The following CHRNA3 variants were observed in gnomAD, a reference collection of about 807,000 sequenced individuals.
The protein encoded by CHRNA3 is cholinergic receptor nicotinic alpha 3 subunit.
In CHRNA3, 34 loss-of-function variants were observed where a neutral mutation model predicts 41.9. The observed-to-expected ratio is 0.81, with a 90% CI of 0.62 to 1.08. CHRNA3 has a LOEUF of 1.08. CHRNA3 is among the 50% of genes least tolerant of loss of function. The pLI is 0.00. For synonymous variants in CHRNA3, 281 were observed against 265.2 expected (o/e 1.06, Z -0.58); for missense variants, 542 against 638.3 (o/e 0.85, Z 1.63).
At position 78,596,455 on chromosome 15, in the gene CHRNA3, T is replaced by C. The variant is rs2053112211; in HGVS notation, c.*149A>G. ...TACTCTTGACATTTTTTTTTTTGCATGATTCCAAGATAAGTGGAAAATAAG... is the reference window on the plus strand; with the variant it reads ...TACTCTTGACATTTTTTTTTTTGCACGATTCCAAGATAAGTGGAAAATAAG... On this transcript the variant is annotated 3_prime_UTR_variant, in exon 6 of 6. Transcript: ENST00000326828. 3 of 1,300,226 alleles carry C rather than the reference T, an allele frequency of 2.3e-6. No homozygotes were observed. Among genetic ancestry groups the C allele is most frequent in the Non-Finnish European group, 2.9e-6 (3 of 1,026,156 alleles). 80.5% of individuals were successfully genotyped at this position (1,300,226 alleles called of 1,614,324 possible).
Position 78,602,077 on chromosome 15 carries a change from G to C in CHRNA3, c.565C>G (p.Leu189Val). Residue 189 changes from leucine to valine, a missense_variant, in exon 5 of 6, where the codon CTG (leucine) becomes GTG (valine). Transcript: ENST00000326828. ...TTCATGGAAGAGCCGATCAGGACCAGATCGATTTTCGCCTTATCGTAGGAC... is the reference window on the plus strand; with the variant it reads ...TTCATGGAAGAGCCGATCAGGACCACATCGATTTTCGCCTTATCGTAGGAC... ...SWSYDKAKID[L>V]VLIGSSMNLK... 1 of 1,614,190 alleles carries C rather than the reference G, an allele frequency of 6.2e-7. No individual in the cohort carries two copies. Among genetic ancestry groups the C allele is most frequent in the South Asian group, 1.1e-5 (1 of 91,088 alleles).
At chr15:78,593,350 T>C (rs201184771), downstream of CHRNA3, 9 of 1,266,634 alleles carry the variant, frequency 7.1e-6, no homozygotes, top group East Asian at 2.3e-4. Flanking sequence ...TTAAATTTAG[T>C]GCAAGCTTTA....
chr15:78,593,193 TGTTA>T (rs763265856), downstream of CHRNA3: 19 of 1,613,820 alleles, frequency 1.2e-5, no homozygotes, highest in Admixed American at 2.0e-4. Context: ...TTTTTGTTCC[TGTTA>T]TTTATAAATG....
chr15:78,612,554 T>C (rs1330497359), intron 4 of CHRNA3, among the ~76,000 whole-genome samples: 1 of 111,400 alleles, frequency 9.0e-6, no homozygotes. Context: ...TTACACCTTA[T>C]ACAAAAATTA....
At chr15:78,617,187 T>C in intron 3 of CHRNA3, 54 bp from the exon 4 acceptor site, 1 of 1,253,942 alleles carries the variant, frequency 8.0e-7, no homozygotes. Context: ...TCAGCCTGGT[T>C]TTACTTCCCG....
chr15:78,600,364 T>C (rs1351399305), intron 5 of CHRNA3, among the ~76,000 whole-genome samples: 1 of 152,176 alleles, frequency 6.6e-6, no homozygotes, highest in Non-Finnish European at 1.5e-5. Context: ...CGTGAGCCAC[T>C]GCGCCTAAGC....
chr15:78,616,012 G>A (rs1459108734), intron 4 of CHRNA3, among the ~76,000 whole-genome samples: 6 of 150,330 alleles, frequency 4.0e-5, no homozygotes, highest in African/African-American at 1.5e-4. Context: ...AAAGTGCTGG[G>A]ATTACAGGCA....
intron 3 of CHRNA3, 158 bp downstream of exon 3, chr15:78,618,459 C>T: frequency 1.3e-6 from 1 of 788,496 alleles, no homozygotes. Context: ...TGCATGTGAC[C>T]TCAAGCCTTA....
In CHRNA3 at chr15:78,608,699, T is replaced by C. The variant is rs566531601; in HGVS notation, c.378-6435A>G. Among the ~76,000 whole-genome samples, 8 of 152,040 alleles carry C rather than the reference T, an allele frequency of 5.3e-5. No homozygotes were observed. The South Asian group carries it at 1.7e-3, about 32-fold the overall frequency. Reference sequence around the variant, plus strand: ...CTCTCCTCCTCCAAAGGAACATAGCTCCTCACCAGCAATGGAACAAAGCTG... The same window carrying C: ...CTCTCCTCCTCCAAAGGAACATAGCCCCTCACCAGCAATGGAACAAAGCTG... On this transcript the variant is annotated intron_variant, in intron 4 of 5. Transcript: ENST00000326828.
In CHRNA3 at chr15:78,601,408, T is replaced by C. The variant is rs2141325038; in HGVS notation, c.1234A>G (p.Ile412Val). 6.2e-7 allele frequency: 1 copy of C among 1,614,114 alleles called. No individual in the cohort carries two copies. The highest frequency in any genetic ancestry group is 8.5e-7 in the Non-Finnish European group (1 of 1,180,018). ...GTGAGGTTAGCACTGAAATTGGAGA[T>C]TTTTATCCTGCGGTGGTGGCAGTAA... ...CGYCHHRRIK[I>V]SNFSANLTRS... The change falls in exon 5 of 6, where the codon ATC becomes GTC. Residue 412 changes from isoleucine to valine, a missense_variant. By Grantham distance (29) the Ile-to-Val change is conservative. Transcript: ENST00000326828.
chr15:78,605,896 C>T (rs1440076097), intron 4 of CHRNA3, among the ~76,000 whole-genome samples: 2 of 152,066 alleles, frequency 1.3e-5, no homozygotes, highest in Non-Finnish European at 2.9e-5. Context: ...GGGGAGGTGG[C>T]CATGCATTGA....
intron 5 of CHRNA3, 45 bp from the exon 6 acceptor site, chr15:78,596,777 C>A (rs2053119610): frequency 1.3e-6 from 2 of 1,569,880 alleles, no homozygotes; most frequent in African/African-American, 1.4e-5. Flanking sequence ...GAGGGAAAGG[C>A]AAATGAATAC....
rs2141349654 is a variant in CHRNA3 at position 78,620,964 on chromosome 15, C to G, written c.-170G>C. 1.1e-6 allele frequency: 1 copy of G among 887,538 alleles called. No homozygotes were observed. Among genetic ancestry groups the G allele is most frequent in the South Asian group, 4.8e-5 (1 of 20,914 alleles). 55.0% of individuals were successfully genotyped at this position (887,538 alleles called of 1,614,324 possible). ...GCCGCCGCTGGGTTTCCAGCGCCCT[C>G]GGACCCGCGGGAGGACAGGAACCAT... On this transcript the variant is annotated 5_prime_UTR_variant, in exon 1 of 6. Coordinates refer to ENST00000326828, the MANE Select transcript of CHRNA3 (RefSeq NM_000743.5).
At chr15:78,609,765 T>A (rs1229784830) in intron 4 of CHRNA3, among the ~76,000 whole-genome samples, 1 of 152,130 alleles carries the variant, frequency 6.6e-6, no homozygotes, top group East Asian at 1.9e-4. Context: ...AATGCTCCAA[T>A]TAAAAGACAC....
chr15:78,594,083 A>G (rs1194274376), downstream of CHRNA3: 2 of 152,178 alleles, frequency 1.3e-5, no homozygotes, highest in Non-Finnish European at 2.9e-5. Flanking sequence ...CTGCTTTTCC[A>G]TAACCAACAT....
intron 4 of CHRNA3, among the ~76,000 whole-genome samples, chr15:78,611,627 A>T: frequency 6.6e-6 from 1 of 152,110 alleles, no homozygotes; most frequent in Middle Eastern, 3.2e-3. Context: ...CTGAATGCGC[A>T]CAAACTGGAA....
rs1005060522 is a variant in CHRNA3 at position 78,620,902 on chromosome 15, C to T, written c.-108G>A. On this transcript the variant is annotated 5_prime_UTR_variant, in exon 1 of 6. Coordinates refer to ENST00000326828, the MANE Select transcript of CHRNA3 (RefSeq NM_000743.5). ...CCAGCGCAGACCCCAGACCTGGAGC[C>T]GTGCGGGCGGAGACGCGCGGGGCTC... 2.3e-5 allele frequency: 28 copies of T among 1,239,366 alleles called. No homozygotes were observed. The highest frequency in any genetic ancestry group is 2.7e-5 in the Non-Finnish European group (27 of 991,370). 76.8% of individuals were successfully genotyped at this position (1,239,366 alleles called of 1,614,324 possible).
intron 4 of CHRNA3, among the ~76,000 whole-genome samples, chr15:78,608,251 G>A (rs925715309): frequency 7.2e-5 from 11 of 152,312 alleles, no homozygotes; most frequent in South Asian, 2.1e-4. Context: ...ATCTGAGAAC[G>A]GGCAGACTGC....
chr15:78,601,300 C>A lies in CHRNA3; in HGVS notation c.1342G>T (p.Val448Phe), dbSNP rs199515569. 2.2e-5 allele frequency: 36 copies of A among 1,614,194 alleles called. No individual in the cohort carries two copies. Among genetic ancestry groups the A allele is most frequent in the Non-Finnish European group, 3.0e-5 (35 of 1,180,034 alleles). The change falls in exon 5 of 6, where the codon GTC (valine) becomes TTC (phenylalanine). Residue 448 changes from valine to phenylalanine, a missense_variant. Transcript: ENST00000326828. Reference protein sequence around the residue: ...SPEIKEAIQSVKYIAENMKAQ... With the variant: ...SPEIKEAIQSFKYIAENMKAQ... Reference sequence around the variant, plus strand: ...TTCATATTTTCAGCAATATACTTGACACTTTGGATGGCTTCTTTGATTTCT... The same window carrying A: ...TTCATATTTTCAGCAATATACTTGAAACTTTGGATGGCTTCTTTGATTTCT...
Sources: gnomAD v4.1 joint callset for allele counts (sites outside exome capture counted in the v4.1 genomes callset) on GRCh38, gnomAD v4.1.1 for gene constraint, MANE v1.5 for transcripts, NCBI Gene and HGNC (gene_info 2026-07-23, HGNC 2026-07-21) for gene names.